The following PTPRD variants were observed in gnomAD, a reference collection of about 807,000 sequenced individuals.
PTPRD encodes the protein protein tyrosine phosphatase receptor type D.
PTPRD carries 34 observed loss-of-function variants against 214.5 expected under a neutral mutation model. That is an observed-to-expected ratio of 0.16 (90% CI 0.12 to 0.21). The LOEUF (loss-of-function observed/expected upper bound fraction) is 0.21. Among genes scored for constraint, PTPRD ranks in the 10% least tolerant of loss-of-function variants. The pLI is 1.00. For synonymous variants in PTPRD, 1,128 were observed against 845.7 expected (o/e 1.33, Z -5.79); for missense variants, 2,545 against 2,398.7 (o/e 1.06, Z -1.27).
intron 8 of PTPRD, among the ~76,000 whole-genome samples, chr9:9,566,913 C>T (rs567092659): frequency 2.0e-4 from 30 of 152,166 alleles, no homozygotes; most frequent in Admixed American, 1.9e-3. Context: ...CATACTCTAG[C>T]AAACACAGAG....
chr9:8,344,391 T>C (rs1427456987), intron 39 of PTPRD, among the ~76,000 whole-genome samples: 2 of 152,024 alleles, frequency 1.3e-5, no homozygotes, highest in African/African-American at 2.4e-5. Context: ...TACTACAGAA[T>C]CTTGCAAAAT....
At chr9:8,376,838 A>G (rs2083398631) in intron 37 of PTPRD, 112 bp from the exon 38 acceptor site, 2 of 1,412,564 alleles carry the variant, frequency 1.4e-6, no homozygotes, top group Non-Finnish European at 1.9e-6. Context: ...TTTTATGTTG[A>G]TCTTTTTCTG....
intron 8 of PTPRD, among the ~76,000 whole-genome samples, chr9:9,475,636 A>G (rs1364658547): frequency 1.3e-5 from 2 of 152,200 alleles, no homozygotes; most frequent in Non-Finnish European, 2.9e-5. Context: ...ACGAAATGGT[A>G]GGGATCATGT....
chr9:10,270,768 T>A (rs2094371847), intron 3 of PTPRD, among the ~76,000 whole-genome samples: 1 of 152,222 alleles, frequency 6.6e-6, no homozygotes, highest in Non-Finnish European at 1.5e-5. Context: ...TATTTTCTGA[T>A]CCTATAAGAA....
At chr9:10,072,819 G>T (rs1023247571) in intron 3 of PTPRD, among the ~76,000 whole-genome samples, 2 of 152,056 alleles carry the variant, frequency 1.3e-5, no homozygotes, top group South Asian at 2.1e-4. Context: ...CTTATCATAC[G>T]ATCCAATTAT....
chr9:10,210,144 A>T (rs1197395536), intron 3 of PTPRD, among the ~76,000 whole-genome samples: 1 of 152,218 alleles, frequency 6.6e-6, no homozygotes, highest in East Asian at 1.9e-4. Flanking sequence ...AATTCATGTG[A>T]CCTTTATGCC....
At chr9:10,519,282 A>AG (rs2051318601) in intron 2 of PTPRD, among the ~76,000 whole-genome samples, 1 of 133,872 alleles carries the variant, frequency 7.5e-6, no homozygotes, top group Non-Finnish European at 1.6e-5. Context: ...AAAAAAAAAA[A>AG]GCAACCTCAC....
chr9:9,144,092 C>T (rs1054935699), intron 10 of PTPRD, among the ~76,000 whole-genome samples: 3 of 152,182 alleles, frequency 2.0e-5, no homozygotes, highest in Admixed American at 2.0e-4. Flanking sequence ...GAGTATTTCC[C>T]TTCTTTCATT....
chr9:9,109,238 T>C lies in PTPRD; in HGVS notation c.-143+74066A>G, dbSNP rs189720209. On this transcript the variant is annotated intron_variant, in intron 10 of 45. Coordinates refer to ENST00000381196, the MANE Select transcript of PTPRD (RefSeq NM_002839.4). ...TGCTAAGCTTGTTATACTCTATCTATATCTATGTAGAGATTAGCAGCAAAG... is the reference window on the plus strand; with the variant it reads ...TGCTAAGCTTGTTATACTCTATCTACATCTATGTAGAGATTAGCAGCAAAG... Among the ~76,000 whole-genome samples, 392 of 152,296 alleles carry C rather than the reference T, an allele frequency of 2.6e-3. 2 individuals carry two copies. Among genetic ancestry groups the C allele is most frequent in the African/African-American group, 8.8e-3 (367 of 41,576 alleles).
At chr9:9,980,646 A>G (rs1409610913) in intron 4 of PTPRD, among the ~76,000 whole-genome samples, 1 of 129,590 alleles carries the variant, frequency 7.7e-6, no homozygotes, top group Non-Finnish European at 1.7e-5. Context: ...AAAAAAAAAA[A>G]CCCTTTATGG....
chr9:9,472,701 A>T (rs1309350512), intron 8 of PTPRD, among the ~76,000 whole-genome samples: 1 of 152,132 alleles, frequency 6.6e-6, no homozygotes, highest in East Asian at 1.9e-4. Context: ...CATTTTACAC[A>T]CTCCTGAAAA....
chr9:9,012,403 C>T (rs559615926), intron 11 of PTPRD, among the ~76,000 whole-genome samples: 12 of 152,264 alleles, frequency 7.9e-5, no homozygotes, highest in Non-Finnish European at 1.5e-4. Context: ...CCAATACGTA[C>T]TTAGTTAATA....
chr9:10,056,602 C>G (rs1216483746), intron 3 of PTPRD, among the ~76,000 whole-genome samples: 4 of 152,018 alleles, frequency 2.6e-5, no homozygotes, highest in Non-Finnish European at 5.9e-5. Flanking sequence ...ACCATAGGAA[C>G]AATATCCATC....
intron 11 of PTPRD, among the ~76,000 whole-genome samples, chr9:8,894,996 CA>C (rs1219382451): frequency 7.2e-5 from 11 of 152,216 alleles, no homozygotes; most frequent in Non-Finnish European, 1.6e-4. Context: ...CACTGCAATG[CA>C]GTGCTGTCTT....
At chr9:8,599,726 C>G (rs1336207284) in intron 14 of PTPRD, among the ~76,000 whole-genome samples, 1 of 150,340 alleles carries the variant, frequency 6.7e-6, no homozygotes, top group African/African-American at 2.4e-5. Flanking sequence ...AAGCGATTCT[C>G]CTGCTTCAGC....
chr9:9,422,118 G>C (rs574146476), intron 8 of PTPRD, among the ~76,000 whole-genome samples: 1 of 152,106 alleles, frequency 6.6e-6, no homozygotes, highest in African/African-American at 2.4e-5. Context: ...TGTGTGATTG[G>C]TACTACACTA....
At chr9:8,399,361 G>T (rs1014951167) in intron 36 of PTPRD, among the ~76,000 whole-genome samples, 1 of 152,112 alleles carries the variant, frequency 6.6e-6, no homozygotes, top group Non-Finnish European at 1.5e-5. Flanking sequence ...AATAAAGTAT[G>T]TAAGTGCTCT....
chr9:8,623,267 G>A (rs533447165), intron 14 of PTPRD, among the ~76,000 whole-genome samples: 25 of 152,014 alleles, frequency 1.6e-4, no homozygotes, highest in African/African-American at 5.5e-4. Flanking sequence ...GTCTAAGCAT[G>A]CAACTAACTC....
intron 2 of PTPRD, among the ~76,000 whole-genome samples, chr9:10,417,584 C>T (rs1249165309): frequency 1.3e-5 from 2 of 151,310 alleles, no homozygotes; most frequent in Non-Finnish European, 3.0e-5. Flanking sequence ...TATTTATTTG[C>T]CTTATAATAA....
Sources: allele counts gnomAD v4.1 joint callset (sites outside exome capture counted in the v4.1 genomes callset), GRCh38; gene constraint gnomAD v4.1.1; transcripts MANE v1.5; gene names NCBI Gene and HGNC (gene_info 2026-07-23, HGNC 2026-07-21).